ERG: variants seen among roughly 807,000 people sequenced by gnomAD.
ERG encodes the protein transcriptional regulator ERG.
ERG carries 9 observed loss-of-function variants against 55.3 expected under a neutral mutation model. The observed-to-expected ratio is 0.16, with a 90% CI of 0.10 to 0.28. The LOEUF is 0.28. Among genes scored for constraint, ERG ranks in the 10% least tolerant of loss-of-function variants. The probability of loss-of-function intolerance (pLI) is 1.00; values close to 1 mark genes in which losing one functional copy is unlikely to be tolerated. For missense variants in ERG, 434 were observed against 631.6 expected, an observed-to-expected ratio of 0.69 and a Z score of 3.35; for synonymous variants, 223 against 237.3, an observed-to-expected ratio of 0.94 and a Z score of 0.55.
At chr21:38,645,899 T>A (rs981330145) in intron 1 of ERG, among the ~76,000 whole-genome samples, 1 of 152,070 alleles carries the variant, frequency 6.6e-6, no homozygotes, top group Non-Finnish European at 1.5e-5. Flanking sequence ...AAGCATATAC[T>A]CTAGTGATGG....
At chr21:38,515,815 C>T (rs1162030838) in intron 2 of ERG, among the ~76,000 whole-genome samples, 1 of 151,874 alleles carries the variant, frequency 6.6e-6, no homozygotes, top group Non-Finnish European at 1.5e-5. Context: ...CCCAGAGATG[C>T]AAGGATGGTT....
At chr21:38,391,185 C>T in intron 8 of ERG, 143 bp from the exon 9 acceptor site, 1 of 701,580 alleles carries the variant, frequency 1.4e-6, no homozygotes, top group South Asian at 1.6e-5. Flanking sequence ...CTGCCTCCAC[C>T]TCCTCTATGA....
At chr21:38,367,640 G>A in the ERG span, 1 of 518,538 alleles carries the variant, frequency 1.9e-6, no homozygotes, top group Non-Finnish European at 3.8e-6. Flanking sequence ...GCAGATCATT[G>A]GGTCCAACCT....
At chr21:38,570,328 T>C (rs541275176) in intron 2 of ERG, among the ~76,000 whole-genome samples, 1 of 152,336 alleles carries the variant, frequency 6.6e-6, no homozygotes, top group South Asian at 2.1e-4. Flanking sequence ...TATGGTTAGG[T>C]ATGTATGTAC....
upstream of ERG, among the ~76,000 whole-genome samples, chr21:38,587,357 A>C (rs1461149511): frequency 7.7e-6 from 1 of 129,760 alleles, no homozygotes; most frequent in African/African-American, 2.8e-5. Context: ...AAGCTGTGCA[A>C]ATCTTTTTTT....
At chr21:38,554,698 G>C (rs2059846927) in intron 2 of ERG, among the ~76,000 whole-genome samples, 1 of 152,128 alleles carries the variant, frequency 6.6e-6, no homozygotes, top group Non-Finnish European at 1.5e-5. Context: ...GAAGGGTGAA[G>C]ATTGAAAAAC....
chr21:38,431,132 A>T (rs1205594643), intron 2 of ERG, among the ~76,000 whole-genome samples: 2 of 152,210 alleles, frequency 1.3e-5, no homozygotes, highest in Non-Finnish European at 2.9e-5. Flanking sequence ...TAGTATTCTG[A>T]ATTAATGAGA....
At chr21:38,543,364 T>TTAAAA (rs1555856204) in intron 2 of ERG, among the ~76,000 whole-genome samples, 1 of 148,940 alleles carries the variant, frequency 6.7e-6, no homozygotes, top group Admixed American at 6.7e-5. Flanking sequence ...TGTTTTTTTT[T>TTAAAA]AAAAAAAAAG....
rs544552107 is a variant in ERG, at chr21:38,539,879, G to A, written c.-41+35783C>T. Among the ~76,000 whole-genome samples the A allele has an allele frequency of 8.3e-4, 124 of 149,922 alleles. 1 individual carries two copies. The highest frequency in any genetic ancestry group is 2.7e-3 in the African/African-American group (108 of 40,724). ...ACTCATCACAGAGGTATAAAACAGCGTCTCCAACACGTGATTTTTTTTTTT... is the reference window on the plus strand; with the variant it reads ...ACTCATCACAGAGGTATAAAACAGCATCTCCAACACGTGATTTTTTTTTTT... On this transcript the variant is annotated intron_variant, in intron 2 of 8. Coordinates refer to the ERG transcript ENST00000398897.
At chr21:38,659,684 T>C (rs755459527) in intron 1 of ERG, among the ~76,000 whole-genome samples, 3 of 152,252 alleles carry the variant, frequency 2.0e-5, no homozygotes, top group Non-Finnish European at 4.4e-5. Flanking sequence ...ATATGTTATT[T>C]TGAAAGATAA....
chr21:38,535,289 G>T (rs1476503415), intron 2 of ERG, among the ~76,000 whole-genome samples: 7 of 152,178 alleles, frequency 4.6e-5, no homozygotes, highest in Non-Finnish European at 1.0e-4. Flanking sequence ...AGAACACGGG[G>T]AGTGTTGATT....
chr21:38,602,921 T>C (rs1266597596), intron 1 of ERG, among the ~76,000 whole-genome samples: 3 of 151,822 alleles, frequency 2.0e-5, no homozygotes, highest in Non-Finnish European at 2.9e-5. Context: ...CAAACCACAT[T>C]GAAAAAGTTG....
chr21:38,583,711 C>T (rs2060044340), intron 1 of ERG, among the ~76,000 whole-genome samples: 1 of 151,990 alleles, frequency 6.6e-6, no homozygotes, highest in African/African-American at 2.4e-5. Flanking sequence ...TGACCTAACC[C>T]AATGTGACTG....
intron 1 of ERG, among the ~76,000 whole-genome samples, chr21:38,623,390 T>A (rs981041927): frequency 6.6e-6 from 1 of 151,836 alleles, no homozygotes; most frequent in Non-Finnish European, 1.5e-5. Flanking sequence ...GAAATAAACA[T>A]AAAGGAAATG....
chr21:38,380,772 A>T lies in ERG; in HGVS notation c.*2631T>A. The T allele has an allele frequency of 9.4e-7, 1 of 1,063,512 alleles. No individual in the cohort carries two copies. Among genetic ancestry groups the T allele is most frequent in the Non-Finnish European group, 1.1e-6 (1 of 879,022 alleles). 65.9% of individuals were successfully genotyped at this position (1,063,512 alleles called of 1,614,324 possible). On this transcript the variant is annotated 3_prime_UTR_variant, in exon 10 of 10. Transcript: ENST00000288319. ...TGGACTGGGGGTGGAGGGTTGAGGG[A>T]TCTAATGGAAAACATCTGTTAAAAT...
intron 1 of ERG, among the ~76,000 whole-genome samples, chr21:38,620,327 G>A (rs2060282869): frequency 3.5e-3 from 1 of 282 alleles, no homozygotes; most frequent in African/African-American, 0.014. Flanking sequence ...CATCTCCCAG[G>A]ACGTAAAAAC....
At chr21:38,533,121 G>A (rs989639509) in intron 2 of ERG, among the ~76,000 whole-genome samples, 1 of 152,146 alleles carries the variant, frequency 6.6e-6, no homozygotes, top group African/African-American at 2.4e-5. Flanking sequence ...AGAATTATTA[G>A]AACCCAGGGC....
At chr21:38,402,710 TACAAAAA>T in intron 4 of ERG, 73 bp from the exon 5 acceptor site, 1 of 365,718 alleles carries the variant, frequency 2.7e-6, no homozygotes. Flanking sequence ...TTACCTTTCT[TACAAAAA>T]AAAAAAAAAA....
rs73442403 is a variant in ERG, at chr21:38,614,628, G to A, written c.-149-29683C>T. On this transcript the variant is annotated intron_variant, in intron 1 of 10. Transcript: ENST00000398910. ...CTACCTGCAAAGGTGGCAGGCAGTG[G>A]CTAGAAGGGGACTGGGTTGGGGACG... Among the ~76,000 whole-genome samples, 1,296 of 152,320 alleles carry A rather than the reference G, an allele frequency of 8.5e-3. 19 individuals are homozygous for A. The highest frequency in any genetic ancestry group is 0.029 in the African/African-American group (1,220 of 41,548).
Sources: gnomAD v4.1 joint callset for allele counts (sites outside exome capture counted in the v4.1 genomes callset) on GRCh38, gnomAD v4.1.1 for gene constraint, MANE v1.5 for transcripts, NCBI Gene and HGNC (gene_info 2026-07-23, HGNC 2026-07-21) for gene names.